The following RICTOR variants were observed in gnomAD, a reference collection of about 807,000 sequenced individuals.
RICTOR encodes the protein RPTOR independent companion of MTOR complex 2, also known as rapamycin-insensitive companion of mTOR.
In RICTOR, 49 loss-of-function variants were observed where a neutral mutation model predicts 214.9. The ratio of observed to expected loss-of-function variants is 0.23; its 90% confidence interval spans 0.18 to 0.29. The LOEUF (loss-of-function observed/expected upper bound fraction) is 0.29, where lower values mean the gene tolerates loss of function less well. RICTOR is among the 10% of genes least tolerant of loss of function. The probability of loss-of-function intolerance (pLI) is 1.00; values close to 1 mark genes in which losing one functional copy is unlikely to be tolerated. For synonymous variants in RICTOR, 717 were observed against 711.3 expected (o/e 1.01, Z -0.13); for missense variants, 1,625 against 2,047.0 (o/e 0.79, Z 3.98).
chr5:38,981,273 A>C (rs1432919328), intron 8 of RICTOR: 1 of 152,058 alleles, frequency 6.6e-6, no homozygotes, highest in Non-Finnish European at 1.5e-5. Flanking sequence ...AATGCAATAC[A>C]TGCACACGAA....
intron 33 of RICTOR, 122 bp from the exon 34 acceptor site, chr5:38,945,846 GA>G: frequency 5.7e-6 from 3 of 530,584 alleles, no homozygotes; most frequent in South Asian, 3.2e-5. Flanking sequence ...TAACTGGAAA[GA>G]AAAAAAGAAT....
At chr5:39,010,279 C>A (rs117999706) in intron 3 of RICTOR, among the ~76,000 whole-genome samples, 1 of 152,138 alleles carries the variant, frequency 6.6e-6, no homozygotes, top group African/African-American at 2.4e-5. Context: ...ATTCCCCTTC[C>A]GCCATGATTG....
At chr5:39,065,144 A>C (rs1045008547) in intron 2 of RICTOR, among the ~76,000 whole-genome samples, 3 of 152,232 alleles carry the variant, frequency 2.0e-5, no homozygotes, top group Non-Finnish European at 4.4e-5. Context: ...TCTGCAGCCT[A>C]TACAGGAAGC....
At chr5:39,072,608 A>T (rs1314558541) in intron 2 of RICTOR, among the ~76,000 whole-genome samples, 1 of 152,242 alleles carries the variant, frequency 6.6e-6, no homozygotes, top group Non-Finnish European at 1.5e-5. Context: ...TGTAGAAGTT[A>T]TCCTTGTTAG....
intron 2 of RICTOR, among the ~76,000 whole-genome samples, chr5:39,065,663 A>C (rs2150213146): frequency 6.6e-6 from 1 of 152,392 alleles, no homozygotes; most frequent in East Asian, 1.9e-4. Flanking sequence ...TAGGCATTGG[A>C]TAAACATTGC....
intron 5 of RICTOR, among the ~76,000 whole-genome samples, chr5:38,998,342 T>A (rs1263573586): frequency 6.6e-6 from 1 of 152,186 alleles, no homozygotes; most frequent in Non-Finnish European, 1.5e-5. Flanking sequence ...TATGCCACCA[T>A]GCCTGGCTAA....
chr5:38,970,791 TATAG>T (rs1750714417), intron 11 of RICTOR: 1 of 152,166 alleles, frequency 6.6e-6, no homozygotes, highest in Admixed American at 6.5e-5. Context: ...ACCTAATAAA[TATAG>T]AAATATTAAC....
chr5:39,028,393 G>A (rs1055623254), intron 2 of RICTOR, among the ~76,000 whole-genome samples: 8 of 151,436 alleles, frequency 5.3e-5, no homozygotes, highest in African/African-American at 9.7e-5. Flanking sequence ...CGTTTTAGCC[G>A]GGATGGTCTC....
chr5:39,073,556 G>C (rs1179977601), intron 2 of RICTOR, among the ~76,000 whole-genome samples: 3 of 152,198 alleles, frequency 2.0e-5, no homozygotes, highest in Non-Finnish European at 4.4e-5. Flanking sequence ...ACATTTAGCA[G>C]TAATGACCAG....
chr5:38,955,663 G>A lies in RICTOR; in HGVS notation c.2541C>T (p.Leu847=). The change falls in exon 26 of 38, where the codon CTC becomes CTT. Residue 847 remains leucine (L), a synonymous_variant. Transcript: ENST00000357387. ...SKYVDLIEEQ[L]NEALTTYRKP... ...TCCGGTAAGTAGTAAGTGCTTCATT[G>A]AGTTGTTCCTCAATCAAGTCAACAT... The A allele has an allele frequency of 6.2e-7, 1 of 1,609,382 alleles. No individual in the cohort carries two copies.
chr5:39,043,556 A>C (rs1298268457), intron 2 of RICTOR, among the ~76,000 whole-genome samples: 1 of 152,180 alleles, frequency 6.6e-6, no homozygotes, highest in Non-Finnish European at 1.5e-5. Context: ...CAGTAGGGTG[A>C]CTATGATTAA....
At chr5:39,044,409 C>T (rs1757353515) in intron 2 of RICTOR, among the ~76,000 whole-genome samples, 1 of 152,060 alleles carries the variant, frequency 6.6e-6, no homozygotes, top group South Asian at 2.1e-4. Flanking sequence ...GAAGAAGTCT[C>T]TAGGTCATAC....
At chr5:39,017,790 A>G (rs1755077935) in intron 3 of RICTOR, among the ~76,000 whole-genome samples, 1 of 152,176 alleles carries the variant, frequency 6.6e-6, no homozygotes, top group Non-Finnish European at 1.5e-5. Flanking sequence ...GTCACAGTTC[A>G]ATTACTTGAC....
At chr5:38,949,507 C>A in intron 31 of RICTOR, 1 of 1,317,444 alleles carries the variant, frequency 7.6e-7, no homozygotes. Flanking sequence ...ATTTTCAGGG[C>A]CTATAGGATT....
At chr5:38,956,832 C>T (rs904165999) in intron 25 of RICTOR, among the ~76,000 whole-genome samples, 1 of 152,084 alleles carries the variant, frequency 6.6e-6, no homozygotes, top group African/African-American at 2.4e-5. Flanking sequence ...CTCAGTTCTA[C>T]AATTCATCAA....
At chr5:39,056,435 A>G (rs1758211222) in intron 2 of RICTOR, among the ~76,000 whole-genome samples, 1 of 152,136 alleles carries the variant, frequency 6.6e-6, no homozygotes, top group African/African-American at 2.4e-5. Context: ...ACGATTCAAG[A>G]CAAGCCTGGG....
intron 21 of RICTOR, 89 bp from the exon 22 acceptor site, chr5:38,959,410 G>A: frequency 1.3e-6 from 1 of 743,632 alleles, no homozygotes; most frequent in Non-Finnish European, 2.1e-6. Context: ...CTTTACTGAA[G>A]TATAAATGAC....
chr5:38,982,090 A>C, intron 7 of RICTOR, 54 bp from the exon 8 acceptor site: 1 of 1,331,484 alleles, frequency 7.5e-7, no homozygotes, highest in Non-Finnish European at 1.1e-6. Flanking sequence ...AAAAGTAATA[A>C]AAAATCTAGG....
chr5:39,057,383 T>C (rs1758273196), intron 2 of RICTOR, among the ~76,000 whole-genome samples: 1 of 152,160 alleles, frequency 6.6e-6, no homozygotes, highest in Non-Finnish European at 1.5e-5. Context: ...CTGGGATGTC[T>C]GCGAAATTAA....
Sources: gnomAD v4.1 joint callset for allele counts (sites outside exome capture counted in the v4.1 genomes callset) on GRCh38, gnomAD v4.1.1 for gene constraint, MANE v1.5 for transcripts, NCBI Gene and HGNC (gene_info 2026-07-23, HGNC 2026-07-21) for gene names.